The following LDLRAD4 variants were observed in gnomAD, a reference collection of about 807,000 sequenced individuals.
The protein encoded by LDLRAD4 is low-density lipoprotein receptor class A domain-containing protein 4.
Under a neutral mutation model 17.0 loss-of-function variants are expected in LDLRAD4, and 5 were observed. The observed-to-expected ratio is 0.29, with a 90% CI of 0.15 to 0.62. LDLRAD4 has a LOEUF of 0.62. LDLRAD4 is among the 20% of genes least tolerant of loss of function. The pLI is 0.84. For missense variants in LDLRAD4, 340 were observed against 424.7 expected (o/e 0.80, Z 1.75); for synonymous variants, 168 against 171.8 (o/e 0.98, Z 0.17).
intron 1 of LDLRAD4, chr18:13,279,354 C>T (rs2045103993): frequency 2.0e-5 from 3 of 152,230 alleles, no homozygotes; most frequent in Admixed American, 2.0e-4. Flanking sequence ...TTGGCACACC[C>T]ACCGCCAGTT....
intron 3 of LDLRAD4, among the ~76,000 whole-genome samples, chr18:13,610,636 T>C (rs1392687326): frequency 6.6e-6 from 1 of 152,164 alleles, no homozygotes; most frequent in African/African-American, 2.4e-5. Flanking sequence ...CCTACAGCGC[T>C]CCTCACTAAG....
chr18:13,237,799 T>C lies in LDLRAD4; in HGVS notation c.-467+18811T>C, dbSNP rs746555639. Among the ~76,000 whole-genome samples, 3 of 152,228 alleles carry C rather than the reference T, an allele frequency of 2.0e-5. No individual in the cohort carries two copies. In the East Asian group the frequency reaches 5.8e-4, roughly 29 times the overall value. On this transcript the variant is annotated intron_variant, in intron 1 of 5. Coordinates refer to the LDLRAD4 transcript ENST00000399848. ...CATGTGTTCTTTCATTTGACCCATGTAATTCATTTATGAGGTTGGGAAGTG... is the reference window on the plus strand; with the variant it reads ...CATGTGTTCTTTCATTTGACCCATGCAATTCATTTATGAGGTTGGGAAGTG...
chr18:13,458,909 A>T (rs1167482947), intron 3 of LDLRAD4, among the ~76,000 whole-genome samples: 1 of 152,226 alleles, frequency 6.6e-6, no homozygotes, highest in African/African-American at 2.4e-5. Context: ...AAAGGCAAAC[A>T]AATATTCTCC....
At chr18:13,467,095 G>T (rs2092643586) in intron 3 of LDLRAD4, among the ~76,000 whole-genome samples, 1 of 152,156 alleles carries the variant, frequency 6.6e-6, no homozygotes, top group Non-Finnish European at 1.5e-5. Context: ...AACAAGAGAG[G>T]ATACCCACTT....
chr18:13,611,600 C>T (rs912707786), intron 3 of LDLRAD4: 2 of 985,406 alleles, frequency 2.0e-6, no homozygotes, highest in Non-Finnish European at 2.4e-6. Context: ...CATGTCTCTG[C>T]TTTCATGTTT....
chr18:13,443,767 G>A (rs928012201), intron 3 of LDLRAD4, among the ~76,000 whole-genome samples: 1 of 152,030 alleles, frequency 6.6e-6, no homozygotes, highest in Non-Finnish European at 1.5e-5. Flanking sequence ...GGTCTGGCTT[G>A]CTTGTTCTGC....
chr18:13,324,478 G>A (rs1051718556), intron 1 of LDLRAD4, among the ~76,000 whole-genome samples: 14 of 152,054 alleles, frequency 9.2e-5, no homozygotes, highest in Non-Finnish European at 1.6e-4. Flanking sequence ...CTGAAATTAC[G>A]AACTCTCTGA....
intron 1 of LDLRAD4, among the ~76,000 whole-genome samples, chr18:13,327,693 A>C (rs1342735296): frequency 6.6e-6 from 1 of 152,074 alleles, no homozygotes; most frequent in Non-Finnish European, 1.5e-5. Flanking sequence ...ACTTTTAAAG[A>C]GAAAGAAAGT....
exon 6 of LDLRAD4, chr18:13,652,450 T>C (rs1319444220): frequency 2.0e-5 from 3 of 152,632 alleles, no homozygotes; most frequent in Non-Finnish European, 4.4e-5. Context: ...TTTGAACTTT[T>C]CAATAGTTGT....
intron 1 of LDLRAD4, among the ~76,000 whole-genome samples, chr18:13,246,718 T>C (rs2042974042): frequency 1.3e-5 from 2 of 152,142 alleles, no homozygotes; most frequent in Admixed American, 6.5e-5. Flanking sequence ...AACTGTGGAG[T>C]GCGCCATGTC....
chr18:13,255,356 G>T (rs186868092), intron 1 of LDLRAD4, among the ~76,000 whole-genome samples: 25 of 152,330 alleles, frequency 1.6e-4, no homozygotes, highest in African/African-American at 5.8e-4. Flanking sequence ...GTCCGAGAAG[G>T]TAGCATTAGA....
chr18:13,296,296 G>T lies in LDLRAD4; in HGVS notation c.-383+18108G>T, dbSNP rs187478277. Reference sequence around the variant, plus strand: ...GGGTCCTCTGTCAGGATAGGCTGAGGTATATGAATCTGCTAGGGCTGTCCT... The same window carrying T: ...GGGTCCTCTGTCAGGATAGGCTGAGTTATATGAATCTGCTAGGGCTGTCCT... On this transcript the variant is annotated intron_variant, in intron 1 of 5. Coordinates refer to ENST00000359446, the Ensembl canonical transcript of LDLRAD4. Among the ~76,000 whole-genome samples the T allele has an allele frequency of 1.2e-4, 18 of 152,346 alleles. No individual in the cohort carries two copies. The East Asian group carries it at 3.5e-3, about 29-fold the overall frequency.
In LDLRAD4 at chr18:13,545,485, A is replaced by G. The variant is rs374221350; in HGVS notation, c.182-75632A>G. Among the ~76,000 whole-genome samples, 13 of 152,262 alleles carry G rather than the reference A, an allele frequency of 8.5e-5. No homozygotes were observed. In the East Asian group the frequency reaches 2.5e-3, roughly 29 times the overall value. On this transcript the variant is annotated intron_variant, in intron 3 of 5. Coordinates refer to ENST00000359446, the Ensembl canonical transcript of LDLRAD4. The stretch of plus-strand genomic sequence containing the variant: ...AGACCAATTCAATGGCCCTCCATTG[A>G]CCAGCGAGAGAATCATCCTGTGTCA...
intron 2 of LDLRAD4, among the ~76,000 whole-genome samples, chr18:13,389,328 C>A (rs1181143172): frequency 1.3e-5 from 2 of 151,596 alleles, no homozygotes; most frequent in Admixed American, 1.3e-4. Flanking sequence ...CTCGTGGATA[C>A]TCCTCCCCTC....
intron 3 of LDLRAD4, among the ~76,000 whole-genome samples, chr18:13,469,347 T>C (rs149555436): frequency 6.5e-4 from 99 of 152,338 alleles, no homozygotes; most frequent in African/African-American, 2.3e-3. Flanking sequence ...AAGTTAAACA[T>C]ACAATTACCA....
chr18:13,309,260 C>T (rs1033641001), intron 1 of LDLRAD4, among the ~76,000 whole-genome samples: 2 of 152,172 alleles, frequency 1.3e-5, no homozygotes, highest in Non-Finnish European at 2.9e-5. Context: ...AGCTGGGGTA[C>T]GGTTCTTAGA....
At chr18:13,555,796 G>C (rs929542804) in intron 3 of LDLRAD4, among the ~76,000 whole-genome samples, 1 of 152,174 alleles carries the variant, frequency 6.6e-6, no homozygotes, top group African/African-American at 2.4e-5. Context: ...AATAATTAAG[G>C]TATAGATGAG....
intron 1 of LDLRAD4, among the ~76,000 whole-genome samples, chr18:13,316,819 G>A (rs367686884): frequency 2.6e-5 from 4 of 152,276 alleles, no homozygotes; most frequent in Middle Eastern, 3.4e-3. Flanking sequence ...AAACTGAACC[G>A]ATAAGAAGTA....
rs1309864890 is a variant in LDLRAD4, at chr18:13,645,739, TCA to T, written c.*83_*84del. On this transcript the variant is annotated 3_prime_UTR_variant, in exon 6 of 6. Coordinates refer to ENST00000359446, the Ensembl canonical transcript of LDLRAD4. The surrounding 1 kb of genome is among the most constrained non-coding windows in gnomAD (Gnocchi z 5.7). The stretch of plus-strand genomic sequence containing the variant: ...GGGCCCCTCCTGCGCACAGTGTTGT[TCA>T]GTTTCACATGGTACAAATAAGTAAA... 1 of 1,113,436 alleles carries T rather than the reference TCA, an allele frequency of 9.0e-7. No individual in the cohort carries two copies. The highest frequency in any genetic ancestry group is 1.6e-5 in the African/African-American group (1 of 63,888). The allele number at this position is 1,113,436 out of a possible 1,614,324, so 69.0% of individuals were successfully genotyped here.
Sources: allele counts gnomAD v4.1 joint callset (sites outside exome capture counted in the v4.1 genomes callset), GRCh38; gene constraint gnomAD v4.1.1; non-coding constraint Gnocchi (gnomAD v3.1); transcripts MANE v1.5; gene names NCBI Gene and HGNC (gene_info 2026-07-23, HGNC 2026-07-21).